CMYA5: variants seen among roughly 807,000 people sequenced by gnomAD.
The protein encoded by CMYA5 is cardiomyopathy-associated protein 5.
In CMYA5, 246 loss-of-function variants were observed where a neutral mutation model predicts 318.9. The ratio of observed to expected loss-of-function variants is 0.77; its 90% CI spans 0.70 to 0.86. The LOEUF (loss-of-function observed/expected upper bound fraction) is 0.86, where lower values mean the gene tolerates loss of function less well. CMYA5 is among the 40% of genes least tolerant of loss of function. The probability of loss-of-function intolerance (pLI) is 0.00; values close to 1 mark genes in which losing one functional copy is unlikely to be tolerated. For missense variants in CMYA5, 4,589 were observed against 4,678.2 expected (o/e 0.98, Z 0.56); for synonymous variants, 1,641 against 1,729.5 (o/e 0.95, Z 1.27).
chr5:79,711,384 A>G (rs1827385698), intron 1 of CMYA5, among the ~76,000 whole-genome samples: 1 of 152,212 alleles, frequency 6.6e-6, no homozygotes, highest in South Asian at 2.1e-4. Flanking sequence ...TCTAAAGTGG[A>G]ATAGCCACTA....
At chr5:79,702,345 C>T (rs1032137674) in intron 1 of CMYA5, among the ~76,000 whole-genome samples, 3 of 151,824 alleles carry the variant, frequency 2.0e-5, no homozygotes, top group Admixed American at 2.0e-4. Flanking sequence ...TATGATCGGC[C>T]ACTGCACTCT....
chr5:79,707,616 G>T (rs986736447), intron 1 of CMYA5, among the ~76,000 whole-genome samples: 1 of 152,130 alleles, frequency 6.6e-6, no homozygotes, highest in Non-Finnish European at 1.5e-5. Context: ...AAAAGGAAAA[G>T]GAAGAGAAGA....
In CMYA5 at chr5:79,738,147, C is replaced by A. The variant is rs909345121; in HGVS notation, c.9382C>A (p.Pro3128Thr). The change falls in exon 2 of 13, where the codon CCA becomes ACA. Residue 3128 changes from proline (P) to threonine (T), a missense_variant. Around this residue, in one of 3 missense-constraint regions of CMYA5, gnomAD observed 2,431 missense variants for 2,495.1 expected, o/e 0.97. Transcript: ENST00000446378. ...AAAGGGCCACAACATATTATCTCATCCAGAGACCCAAAGCCAAAACTCAGC... is the reference window on the plus strand; with the variant it reads ...AAAGGGCCACAACATATTATCTCATACAGAGACCCAAAGCCAAAACTCAGC... ...PEKGHNILSHPETQSQNSADR... is the reference protein window; with the variant it reads ...PEKGHNILSHTETQSQNSADR... 3.1e-6 allele frequency: 5 copies of A among 1,613,646 alleles called. No individual in the cohort carries two copies. In the African/African-American group the frequency reaches 6.7e-5, roughly 22 times the overall value.
At chr5:79,748,353 A>C (rs543266253) in intron 5 of CMYA5, among the ~76,000 whole-genome samples, 2 of 152,178 alleles carry the variant, frequency 1.3e-5, no homozygotes, top group African/African-American at 2.4e-5. Flanking sequence ...GTTTAACCAA[A>C]GATCCTTTGG....
Position 79,758,853 on chromosome 5 carries a change from AT to A in CMYA5, c.11214del (p.Gln3739ArgfsTer14). ...TGAACAAGGAAGATGTCATTGATTC[AT>A]TTCAGGTTTACTGCATGGAGGAGCC... ...SMNKEDVIDS[F>X]QVYCMEEPQD... On this transcript the variant is annotated frameshift_variant, in exon 7 of 13. Coordinates refer to ENST00000446378, the MANE Select transcript of CMYA5 (RefSeq NM_153610.5). LOFTEE classifies it high-confidence loss of function. The A allele has an allele frequency of 1.9e-6, 3 of 1,606,114 alleles. No individual in the cohort carries two copies. The highest frequency in any genetic ancestry group is 2.6e-6 in the Non-Finnish European group (3 of 1,176,424).
intron 9 of CMYA5, among the ~76,000 whole-genome samples, chr5:79,777,750 G>A (rs894536273): frequency 4.6e-5 from 7 of 151,932 alleles, no homozygotes; most frequent in East Asian, 1.9e-4. Context: ...ACCCCAGCCC[G>A]GGAGACAAGA....
rs1261914285 is a variant in CMYA5, at chr5:79,730,908, A to G, written c.2143A>G (p.Ile715Val). 1 of 1,614,010 alleles carries G rather than the reference A, an allele frequency of 6.2e-7. No homozygotes were observed. The highest frequency in any genetic ancestry group is 8.5e-7 in the Non-Finnish European group (1 of 1,179,894). ...LATKESLKKT[I>V]DRKSPLILKG... ...AACAAAAGAGTCACTGAAGAAAACAATTGACCGTAAGTCCCCGTTAATATT... is the reference window on the plus strand; with the variant it reads ...AACAAAAGAGTCACTGAAGAAAACAGTTGACCGTAAGTCCCCGTTAATATT... The change falls in exon 2 of 13, where the codon ATT (isoleucine) becomes GTT (valine). Residue 715 changes from isoleucine to valine, a missense_variant. By Grantham distance (29) the Ile-to-Val change is conservative (BLOSUM62 3). Coordinates refer to ENST00000446378, the MANE Select transcript of CMYA5 (RefSeq NM_153610.5).
At chr5:79,777,537 C>T (rs1312218760) in intron 9 of CMYA5, among the ~76,000 whole-genome samples, 2 of 152,004 alleles carry the variant, frequency 1.3e-5, no homozygotes, top group Non-Finnish European at 1.5e-5. Flanking sequence ...TTTGGGAGGC[C>T]GAGGTGAGTG....
At chr5:79,775,589 A>G (rs368596898) in intron 9 of CMYA5, among the ~76,000 whole-genome samples, 3 of 152,318 alleles carry the variant, frequency 2.0e-5, no homozygotes. Context: ...CTCTTTTTTT[A>G]AAAGGAAGCA....
chr5:79,726,909 ATTTTT>A (rs34198193), intron 1 of CMYA5, among the ~76,000 whole-genome samples: 6 of 96,036 alleles, frequency 6.2e-5, no homozygotes, highest in African/African-American at 2.6e-4. Context: ...TAGGCCAGTG[ATTTTT>A]TTTTTTTTTT....
intron 9 of CMYA5, among the ~76,000 whole-genome samples, chr5:79,767,579 G>A (rs1828778033): frequency 6.6e-6 from 1 of 152,164 alleles, no homozygotes; most frequent in Non-Finnish European, 1.5e-5. Context: ...TCATTCAGGA[G>A]CAGGTTGTTC....
At chr5:79,720,751 T>C (rs1396817607) in intron 1 of CMYA5, among the ~76,000 whole-genome samples, 2 of 152,124 alleles carry the variant, frequency 1.3e-5, no homozygotes, top group East Asian at 3.9e-4. Flanking sequence ...TAGAATTTTA[T>C]ATCCTGAAAA....
intron 6 of CMYA5, among the ~76,000 whole-genome samples, chr5:79,756,037 A>G (rs1482554570): frequency 6.6e-6 from 1 of 152,254 alleles, no homozygotes; most frequent in Admixed American, 6.5e-5. Flanking sequence ...GTAATTCTCA[A>G]ATACTGCTTC....
chr5:79,739,380 G>T lies in CMYA5; in HGVS notation c.10615G>T (p.Asp3539Tyr). The change falls in exon 2 of 13, where the codon GAC becomes TAC. Residue 3539 changes from aspartate to tyrosine, a missense_variant. Around this residue, in one of 3 missense-constraint regions of CMYA5, gnomAD observed 2,431 missense variants for 2,495.1 expected, o/e 0.97. Transcript: ENST00000446378. The stretch of plus-strand genomic sequence containing the variant: ...CAAAGACCATGAAGTTTCAACGCTT[G>T]ACACAGCTATAAGTGCTGTAAAGGT... ...THKDHEVSTLDTAISAVKVQL... is the reference protein window; with the variant it reads ...THKDHEVSTLYTAISAVKVQL... The T allele has an allele frequency of 6.5e-7, 1 of 1,549,426 alleles. No individual in the cohort carries two copies. Among genetic ancestry groups the T allele is most frequent in the South Asian group, 1.2e-5 (1 of 83,164 alleles).
chr5:79,738,592 T>C lies in CMYA5; in HGVS notation c.9827T>C (p.Ile3276Thr). 1 of 1,613,674 alleles carries C rather than the reference T, an allele frequency of 6.2e-7. No individual in the cohort carries two copies. The highest frequency in any genetic ancestry group is 8.5e-7 in the Non-Finnish European group (1 of 1,179,840). Residue 3276 changes from isoleucine (I) to threonine (T), a missense_variant, in exon 2 of 13, where the codon ATA becomes ACA. Physicochemically the swap from Ile to Thr is moderately conservative, Grantham distance 89. Around this residue, in one of 3 missense-constraint regions of CMYA5, gnomAD observed 2,431 missense variants for 2,495.1 expected, o/e 0.97. Coordinates refer to ENST00000446378, the MANE Select transcript of CMYA5 (RefSeq NM_153610.5). ...GGTAAGGATGATTCATACCAACCGATAGCTGCAGAAGGGGAAATTTGGGGA... is the reference window on the plus strand; with the variant it reads ...GGTAAGGATGATTCATACCAACCGACAGCTGCAGAAGGGGAAATTTGGGGA... ...RVGKDDSYQP[I>T]AAEGEIWGKF...
At chr5:79,791,856 G>T (rs186604537) in intron 11 of CMYA5, among the ~76,000 whole-genome samples, 35 of 152,344 alleles carry the variant, frequency 2.3e-4, no homozygotes, top group Non-Finnish European at 4.0e-4. Flanking sequence ...AGGATAGGGT[G>T]GAGGAAACTG....
rs34198193 is a variant in CMYA5 at position 79,726,909 on chromosome 5, AT to A, written c.150-1983del. On this transcript the variant is annotated intron_variant, in intron 1 of 12. Transcript: ENST00000446378. ...AGAGCTAGGATTGTTTAGGCCAGTG[AT>A]TTTTTTTTTTTTTTTTTTTTTTGAG... Among the ~76,000 whole-genome samples the A allele has an allele frequency of 5.7e-3, 544 of 96,026 alleles. 2 individuals carry two copies. Among genetic ancestry groups the A allele is most frequent in the African/African-American group, 0.014 (277 of 19,236 alleles). The allele number at this position is 96,026 out of a possible 152,430, so 63.0% of individuals were successfully genotyped here. A position where few individuals can be genotyped will look rare whatever the true frequency, so the allele number is the denominator to read the frequency against.
chr5:79,773,158 A>G (rs2151097481), intron 9 of CMYA5, among the ~76,000 whole-genome samples: 1 of 152,326 alleles, frequency 6.6e-6, no homozygotes, highest in South Asian at 2.1e-4. Flanking sequence ...TCATTGTGTG[A>G]AGTTGTCATC....
chr5:79,750,144 A>G (rs1828403920), intron 5 of CMYA5, among the ~76,000 whole-genome samples: 1 of 152,080 alleles, frequency 6.6e-6, no homozygotes, highest in Non-Finnish European at 1.5e-5. Context: ...TACAAGAAGA[A>G]GTTGAATTGT....
Sources: gnomAD v4.1 joint callset for allele counts (sites outside exome capture counted in the v4.1 genomes callset) on GRCh38, gnomAD v4.1.1 for gene constraint, gnomAD v4.1.1 regional missense constraint, MANE v1.5 for transcripts, NCBI Gene and HGNC (gene_info 2026-07-23, HGNC 2026-07-21) for gene names.